The following ACTL8 variants were observed in gnomAD, a reference collection of about 807,000 sequenced individuals.
The protein encoded by ACTL8 is actin-like protein 8.
In ACTL8, 3 loss-of-function variants were observed where a neutral mutation model predicts 9.3. That is an observed-to-expected ratio of 0.32 (90% CI 0.15 to 0.83). The LOEUF is 0.83. ACTL8 is among the 40% of genes least tolerant of loss of function. ACTL8 has a pLI of 0.57. For synonymous variants in ACTL8, 224 were observed against 205.9 expected, an observed-to-expected ratio of 1.09 and a Z score of -0.75; for missense variants, 381 against 492.2, an observed-to-expected ratio of 0.77 and a Z score of 2.14.
intron 1 of ACTL8, among the ~76,000 whole-genome samples, chr1:17,800,519 T>C (rs1435650747): frequency 6.6e-6 from 1 of 151,704 alleles, no homozygotes; most frequent in Non-Finnish European, 1.5e-5. Context: ...CTACTGCCCT[T>C]GCCGGGACTT....
chr1:17,783,470 G>C (rs1570011109), intron 1 of ACTL8, among the ~76,000 whole-genome samples: 1 of 151,644 alleles, frequency 6.6e-6, no homozygotes, highest in Non-Finnish European at 1.5e-5. Context: ...TTCATCACTT[G>C]TGCTCGCTTT....
In ACTL8 at chr1:17,820,688, C is replaced by A. The variant is rs112249136; in HGVS notation, c.-24-2297C>A. Among the ~76,000 whole-genome samples, 108 of 152,132 alleles carry A rather than the reference C, an allele frequency of 7.1e-4. 1 individual carries two copies. The East Asian group carries it at 0.015, about 21-fold the overall frequency. On this transcript the variant is annotated intron_variant, in intron 1 of 2. Transcript: ENST00000375406. ...GTTCAAGGGAATCTCCTCCCTCAGC[C>A]CCCCCAGTAGCTGGGATTACAGGTA...
At chr1:17,778,781 T>C (rs1035601969) in intron 1 of ACTL8, among the ~76,000 whole-genome samples, 3 of 152,060 alleles carry the variant, frequency 2.0e-5, no homozygotes, top group Non-Finnish European at 4.4e-5. Flanking sequence ...CTGATTAGCT[T>C]TCGGTGGGGC....
intron 1 of ACTL8, among the ~76,000 whole-genome samples, chr1:17,786,219 T>C (rs1386380182): frequency 1.3e-5 from 2 of 152,200 alleles, no homozygotes; most frequent in Non-Finnish European, 2.9e-5. Flanking sequence ...GGAAATAGAA[T>C]GAAACGCCAT....
intron 1 of ACTL8, among the ~76,000 whole-genome samples, chr1:17,790,585 A>G (rs2066231807): frequency 6.6e-6 from 1 of 152,178 alleles, no homozygotes; most frequent in Non-Finnish European, 1.5e-5. Context: ...TGATTGGTCC[A>G]TGGGCACCCA....
rs114150116 is a variant in ACTL8 at position 17,792,462 on chromosome 1, G to A, written c.-24-30523G>A. Among the ~76,000 whole-genome samples, 1,197 of 152,318 alleles carry A rather than the reference G, an allele frequency of 7.9e-3. 6 individuals are homozygous for A. Among genetic ancestry groups the A allele is most frequent in the Non-Finnish European group, 0.013 (887 of 68,034 alleles). On this transcript the variant is annotated intron_variant, in intron 1 of 2. Transcript: ENST00000375406. ...CAGACCATATCCAATACAGGCAAGC[G>A]TCCATCTTTCTGATAATCAAACATC...
intron 1 of ACTL8, among the ~76,000 whole-genome samples, chr1:17,786,856 G>A (rs948738105): frequency 6.6e-6 from 1 of 151,776 alleles, no homozygotes; most frequent in Non-Finnish European, 1.5e-5. Context: ...CACCATGCTG[G>A]CCTATTTTTT....
At chr1:17,793,548 C>A (rs7536978) in intron 1 of ACTL8, among the ~76,000 whole-genome samples, 1 of 152,080 alleles carries the variant, frequency 6.6e-6, no homozygotes, top group East Asian at 1.9e-4. Flanking sequence ...TAATCTGATT[C>A]ATTTTAGAAC....
At chr1:17,814,152 A>G (rs916876776) in intron 1 of ACTL8, among the ~76,000 whole-genome samples, 6 of 152,232 alleles carry the variant, frequency 3.9e-5, no homozygotes, top group Non-Finnish European at 7.3e-5. Flanking sequence ...TGGTGGTCCC[A>G]TAAGATTATA....
intron 1 of ACTL8, among the ~76,000 whole-genome samples, chr1:17,756,981 G>C (rs531058212): frequency 6.6e-6 from 1 of 152,064 alleles, no homozygotes. Flanking sequence ...TAGGCAGGCC[G>C]GGCACAGGCA....
chr1:17,783,957 C>G (rs567476020), intron 1 of ACTL8, among the ~76,000 whole-genome samples: 57 of 152,342 alleles, frequency 3.7e-4, no homozygotes, highest in African/African-American at 1.3e-3. Flanking sequence ...TCCATTCTGC[C>G]TCTCAAATTG....
intron 1 of ACTL8, among the ~76,000 whole-genome samples, chr1:17,820,269 T>C (rs1267907342): frequency 6.6e-6 from 1 of 152,174 alleles, no homozygotes; most frequent in Non-Finnish European, 1.5e-5. Flanking sequence ...TTGTCGTCTT[T>C]GGGGTCTGGC....
intron 1 of ACTL8, among the ~76,000 whole-genome samples, chr1:17,803,578 G>A (rs1408077316): frequency 1.3e-5 from 2 of 152,218 alleles, no homozygotes; most frequent in African/African-American, 4.8e-5. Context: ...TGATCCATGT[G>A]CCTCGGCCTC....
At chr1:17,771,229 C>CT (rs1402932753) in intron 1 of ACTL8, among the ~76,000 whole-genome samples, 1 of 152,072 alleles carries the variant, frequency 6.6e-6, no homozygotes, top group African/African-American at 2.4e-5. Flanking sequence ...TCCAATAAAA[C>CT]TTTATTTATA....
intron 1 of ACTL8, among the ~76,000 whole-genome samples, chr1:17,798,079 G>C (rs974693682): frequency 6.6e-6 from 1 of 151,176 alleles, no homozygotes; most frequent in Non-Finnish European, 1.5e-5. Flanking sequence ...CTTCAGTCTG[G>C]GGGCACCTGG....
At chr1:17,776,736 C>G (rs945391347) in intron 1 of ACTL8, among the ~76,000 whole-genome samples, 1 of 152,058 alleles carries the variant, frequency 6.6e-6, no homozygotes, top group African/African-American at 2.4e-5. Context: ...AGCACCGGTC[C>G]CTAGGGTTAC....
At chr1:17,762,249 G>A (rs543983815) in intron 1 of ACTL8, among the ~76,000 whole-genome samples, 1 of 152,156 alleles carries the variant, frequency 6.6e-6, no homozygotes, top group South Asian at 2.1e-4. Flanking sequence ...GGGCTCCGGG[G>A]CCTGAGACTC....
intron 1 of ACTL8, among the ~76,000 whole-genome samples, chr1:17,762,398 A>C (rs2066012683): frequency 1.3e-5 from 2 of 151,812 alleles, no homozygotes; most frequent in South Asian, 2.1e-4. Context: ...ACCAGGCCCC[A>C]CCCCCTGGGC....
intron 1 of ACTL8, among the ~76,000 whole-genome samples, chr1:17,779,068 C>G (rs2066134975): frequency 6.6e-6 from 1 of 152,182 alleles, no homozygotes; most frequent in Admixed American, 6.5e-5. Flanking sequence ...ACCTTGTACT[C>G]TTTCTCTGCC....
Sources: allele counts gnomAD v4.1 joint callset (sites outside exome capture counted in the v4.1 genomes callset), GRCh38; gene constraint gnomAD v4.1.1; transcripts MANE v1.5; gene names NCBI Gene and HGNC (gene_info 2026-07-23, HGNC 2026-07-21).